Variants in TNS3 observed in about 807,000 individuals in gnomAD.
TNS3 encodes tensin-3.
In TNS3, 45 loss-of-function variants were observed where a neutral mutation model predicts 140.9. The observed-to-expected ratio is 0.32, with a 90% CI of 0.25 to 0.41. TNS3 has a LOEUF of 0.41. TNS3 is among the 10% of genes least tolerant of loss of function. The pLI, the probability that TNS3 is intolerant of heterozygous loss-of-function variation, is 1.00. For synonymous variants in TNS3, 815 were observed against 788.4 expected (o/e 1.03, Z -0.56); for missense variants, 1,716 against 1,906.7 (o/e 0.90, Z 1.86).
rs1784968437 is a variant in TNS3, at chr7:47,278,383, C to T, written c.4194-163G>A. 8.3e-6 allele frequency: 6 copies of T among 725,862 alleles called. No individual in the cohort carries two copies. The South Asian group carries it at 1.2e-4, about 14-fold the overall frequency. The allele number at this position is 725,862 out of a possible 1,614,324, so 45.0% of individuals were successfully genotyped here. ...GCTGGCCACCTGTTCATGCACTTTA[C>T]CTCCAGCCTTCACAGACCTACAGAT... On this transcript the variant is annotated intron_variant, in intron 30 of 30. Transcript: ENST00000311160.
At chr7:47,347,247 T>C (rs1789396683) in intron 17 of TNS3, among the ~76,000 whole-genome samples, 1 of 152,104 alleles carries the variant, frequency 6.6e-6, no homozygotes, top group African/African-American at 2.4e-5. Context: ...TAAACATGAG[T>C]GGCCCACATA....
rs78709670 is a variant in TNS3, at chr7:47,450,571, T to C, written c.-75-8516A>G. Among the ~76,000 whole-genome samples the C allele has an allele frequency of 9.1e-3, 1,392 of 152,332 alleles. 13 individuals are homozygous for C. The highest frequency in any genetic ancestry group is 0.032 in the African/African-American group (1,331 of 41,576). On this transcript the variant is annotated intron_variant, in intron 4 of 30. Transcript: ENST00000311160. Reference sequence around the variant, plus strand: ...CCTTTAAGAAGCAGTCCCCTTAGCATCTCTGCCTCCCTAAGACCCAAGACC... The same window carrying C: ...CCTTTAAGAAGCAGTCCCCTTAGCACCTCTGCCTCCCTAAGACCCAAGACC...
At chr7:47,519,643 C>G (rs543368830) in intron 2 of TNS3, among the ~76,000 whole-genome samples, 2 of 152,192 alleles carry the variant, frequency 1.3e-5, no homozygotes, top group Non-Finnish European at 2.9e-5. Context: ...TGGCCAGCAC[C>G]TAACACAGTA....
intron 3 of TNS3, among the ~76,000 whole-genome samples, chr7:47,496,595 C>T (rs1798015508): frequency 1.3e-5 from 2 of 152,276 alleles, no homozygotes; most frequent in East Asian, 1.9e-4. Flanking sequence ...TCAAGAGAAG[C>T]GGGAGTAAAA....
At chr7:47,329,331 C>A (rs1420693293) in intron 20 of TNS3, among the ~76,000 whole-genome samples, 1 of 152,220 alleles carries the variant, frequency 6.6e-6, no homozygotes, top group Non-Finnish European at 1.5e-5. Flanking sequence ...AAGAGCAGGT[C>A]CCCGTTCCTC....
At chr7:47,461,362 C>G (rs925637270) in intron 4 of TNS3, among the ~76,000 whole-genome samples, 1 of 152,234 alleles carries the variant, frequency 6.6e-6, no homozygotes, top group Non-Finnish European at 1.5e-5. Flanking sequence ...TCTCCCTGTT[C>G]GTTCCATGAG....
intron 12 of TNS3, among the ~76,000 whole-genome samples, chr7:47,413,103 G>A (rs1048968960): frequency 2.6e-5 from 4 of 151,890 alleles, no homozygotes; most frequent in East Asian, 3.9e-4. Context: ...ACAGGCACAC[G>A]CCACCATGCC....
At chr7:47,554,189 C>T (rs891967213) in intron 1 of TNS3, among the ~76,000 whole-genome samples, 2 of 150,156 alleles carry the variant, frequency 1.3e-5, no homozygotes, top group Non-Finnish European at 3.0e-5. Context: ...GAGGCCAAGA[C>T]GGGTAGATCA....
At chr7:47,288,746 G>A (rs957520580) in intron 27 of TNS3, among the ~76,000 whole-genome samples, 8 of 152,214 alleles carry the variant, frequency 5.3e-5, no homozygotes, top group African/African-American at 1.9e-4. Context: ...TCCCAGGAAA[G>A]GCCATTCCTC....
intron 27 of TNS3, among the ~76,000 whole-genome samples, chr7:47,288,156 C>A (rs1432900396): frequency 6.6e-6 from 1 of 152,124 alleles, no homozygotes; most frequent in African/African-American, 2.4e-5. Flanking sequence ...GCTGAATGGG[C>A]AGGGCTGTGT....
chr7:47,574,800 G>A (rs1018154183), intron 1 of TNS3, among the ~76,000 whole-genome samples: 4 of 152,228 alleles, frequency 2.6e-5, no homozygotes, highest in African/African-American at 4.8e-5. Context: ...TGAGGCACCC[G>A]ATGTAGTCCG....
At chr7:47,474,903 CAAAAA>C (rs1036455140) in intron 4 of TNS3, among the ~76,000 whole-genome samples, 2 of 143,978 alleles carry the variant, frequency 1.4e-5, no homozygotes, top group Admixed American at 1.4e-4. Flanking sequence ...GCAACACACA[CAAAAA>C]AAAACACCTC....
intron 1 of TNS3, among the ~76,000 whole-genome samples, chr7:47,577,355 A>T (rs1800698510): frequency 6.6e-6 from 1 of 152,208 alleles, no homozygotes; most frequent in African/African-American, 2.4e-5. Flanking sequence ...ATCTAACATG[A>T]ACCATAATTA....
At chr7:47,341,434 T>C (rs1015381631) in intron 20 of TNS3, among the ~76,000 whole-genome samples, 1 of 152,238 alleles carries the variant, frequency 6.6e-6, no homozygotes, top group Non-Finnish European at 1.5e-5. Context: ...TCAAGTAGTC[T>C]ATTTCCTATT....
At position 47,389,108 on chromosome 7, in the gene TNS3, GCA is replaced by G. The variant is rs1562675623; in HGVS notation, c.1024+7690_1024+7691del. Among the ~76,000 whole-genome samples, 18 of 29,038 alleles carry G rather than the reference GCA, an allele frequency of 6.2e-4. 4 individuals are homozygous for G. The South Asian group carries it at 0.013, about 21-fold the overall frequency. 19.1% of individuals were successfully genotyped at this position (29,038 alleles called of 152,430 possible). A position where few individuals can be genotyped will look rare whatever the true frequency, so the allele number is the denominator to read the frequency against. On this transcript the variant is annotated intron_variant, in intron 16 of 30. Transcript: ENST00000311160. Reference sequence around the variant, plus strand: ...AGAGGAAGAGGAAGAGGAAGCGGAAGCAGAAGAAGAAGAAGAAGAAGAAGAAG... The same window carrying G: ...AGAGGAAGAGGAAGAGGAAGCGGAAGGAAGAAGAAGAAGAAGAAGAAGAAG...
chr7:47,546,383 C>T (rs990734989), intron 1 of TNS3, among the ~76,000 whole-genome samples: 22 of 152,110 alleles, frequency 1.4e-4, no homozygotes, highest in African/African-American at 4.8e-4. Flanking sequence ...CAGGACCTGC[C>T]GTCACCGCAG....
intron 4 of TNS3, among the ~76,000 whole-genome samples, chr7:47,462,972 T>A (rs1270492898): frequency 6.6e-6 from 1 of 152,206 alleles, no homozygotes; most frequent in African/African-American, 2.4e-5. Flanking sequence ...GAGGCTGTCC[T>A]ACAATGGACC....
chr7:47,523,981 A>ATGCATGCAC (rs1309009745), intron 2 of TNS3, among the ~76,000 whole-genome samples: 1 of 152,164 alleles, frequency 6.6e-6, no homozygotes, highest in Non-Finnish European at 1.5e-5. Context: ...AAGAACACAC[A>ATGCATGCAC]TGCATGCACT....
At chr7:47,496,612 G>A (rs2151846301) in intron 3 of TNS3, among the ~76,000 whole-genome samples, 2 of 152,342 alleles carry the variant, frequency 1.3e-5, no homozygotes, top group South Asian at 4.1e-4. Flanking sequence ...AAAAGCGATG[G>A]TGGCCAACGC....
Sources: allele counts gnomAD v4.1 joint callset (sites outside exome capture counted in the v4.1 genomes callset), GRCh38; gene constraint gnomAD v4.1.1; transcripts MANE v1.5; gene names NCBI Gene and HGNC (gene_info 2026-07-23, HGNC 2026-07-21).